The following ELOVL4 variants were observed in gnomAD, a reference collection of about 807,000 sequenced individuals.
The protein encoded by ELOVL4 is ELOVL fatty acid elongase 4, also known as very long chain fatty acid elongase 4.
Under a neutral mutation model 42.1 loss-of-function variants are expected in ELOVL4, and 18 were observed. The ratio of observed to expected loss-of-function variants is 0.43; its 90% CI spans 0.30 to 0.63. The LOEUF (loss-of-function observed/expected upper bound fraction) is 0.63, where lower values mean the gene tolerates loss of function less well. ELOVL4 is among the 30% of genes least tolerant of loss of function. ELOVL4 has a pLI of 0.15. For synonymous variants in ELOVL4, 117 were observed against 127.0 expected (o/e 0.92, Z 0.53); for missense variants, 299 against 376.2 (o/e 0.79, Z 1.70).
At chr6:79,920,627 T>C (rs1463681823) in intron 4 of ELOVL4, among the ~76,000 whole-genome samples, 2 of 152,166 alleles carry the variant, frequency 1.3e-5, no homozygotes, top group Non-Finnish European at 2.9e-5. Context: ...CTGAAGGTAA[T>C]TTTATAAAAT....
At chr6:79,943,595 T>C (rs1369414647) in intron 1 of ELOVL4, among the ~76,000 whole-genome samples, 1 of 152,186 alleles carries the variant, frequency 6.6e-6, no homozygotes, top group South Asian at 2.1e-4. Flanking sequence ...CAGCTAGTCC[T>C]GAGTCTGACA....
rs1774162348 is a variant in ELOVL4 at position 79,916,478 on chromosome 6, T to C, written c.*130A>G. 8 of 985,804 alleles carry C rather than the reference T, an allele frequency of 8.1e-6. No homozygotes were observed. Among genetic ancestry groups the C allele is most frequent in the Non-Finnish European group, 1.3e-5 (8 of 629,626 alleles). 61.1% of individuals were successfully genotyped at this position (985,804 alleles called of 1,614,324 possible). The stretch of plus-strand genomic sequence containing the variant: ...TTAACACTTTACTCAGTCTAAGAGT[T>C]ACTAGGACATAGAGCACATTTGTCT... On this transcript the variant is annotated 3_prime_UTR_variant, in exon 6 of 6. Transcript: ENST00000369816.
rs1774344638 is a variant in ELOVL4, at chr6:79,926,400, A to G, written c.101-19T>C. The stretch of plus-strand genomic sequence containing the variant: ...CGCTTATCTATAGAGAGAACAAAAT[A>G]CCATAAAATTCATTAATCAGTAAAT... On this transcript the variant is annotated intron_variant, in intron 1 of 5. Transcript: ENST00000369816. 4 of 1,607,844 alleles carry G rather than the reference A, an allele frequency of 2.5e-6. No individual in the cohort carries two copies. The highest frequency in any genetic ancestry group is 3.4e-6 in the Non-Finnish European group (4 of 1,175,168).
chr6:79,946,999 C>T (rs1035892910), intron 1 of ELOVL4, among the ~76,000 whole-genome samples, 181 bp downstream of exon 1: 8 of 152,174 alleles, frequency 5.3e-5, no homozygotes, highest in Non-Finnish European at 7.3e-5. Flanking sequence ...GAGGCCTTAA[C>T]ATTCGGATCA....
chr6:79,934,371 C>A (rs1300440763), intron 1 of ELOVL4, among the ~76,000 whole-genome samples: 1 of 151,812 alleles, frequency 6.6e-6, no homozygotes, highest in Non-Finnish European at 1.5e-5. Context: ...GCTGGAAAAC[C>A]AACTGTTCTT....
At chr6:79,935,722 T>C (rs1253454786) in intron 1 of ELOVL4, among the ~76,000 whole-genome samples, 1 of 152,216 alleles carries the variant, frequency 6.6e-6, no homozygotes, top group Non-Finnish European at 1.5e-5. Context: ...AAAATTCCTG[T>C]TAGGATAAAA....
intron 1 of ELOVL4, among the ~76,000 whole-genome samples, chr6:79,940,051 T>C (rs1774620894): frequency 6.6e-6 from 1 of 152,240 alleles, no homozygotes; most frequent in Non-Finnish European, 1.5e-5. Context: ...TGAATAATGC[T>C]GCTATGTACG....
chr6:79,925,482 G>A (rs1288893223), intron 2 of ELOVL4, among the ~76,000 whole-genome samples: 2 of 152,164 alleles, frequency 1.3e-5, no homozygotes, highest in Admixed American at 6.5e-5. Context: ...TCTAAGAAGA[G>A]TTATTGTTTA....
chr6:79,937,651 C>G (rs1317189576), intron 1 of ELOVL4, among the ~76,000 whole-genome samples: 1 of 152,128 alleles, frequency 6.6e-6, no homozygotes, highest in African/African-American at 2.4e-5. Context: ...ACTATTATTA[C>G]TGGGCAATAA....
Position 79,933,045 on chromosome 6 carries a change from T to C in ELOVL4, c.101-6664A>G, listed in dbSNP as rs143252974. Among the ~76,000 whole-genome samples, 702 of 152,086 alleles carry C rather than the reference T, an allele frequency of 4.6e-3. 15 individuals are homozygous for C. The highest frequency in any genetic ancestry group is 0.038 in the Admixed American group (580 of 15,292). ...GAATACCCTGAGAGAACTGAATGTA[T>C]AAGCAGCCCAGAAGCAAGAAATAAA... On this transcript the variant is annotated intron_variant, in intron 1 of 5. Coordinates refer to ENST00000369816, the MANE Select transcript of ELOVL4 (RefSeq NM_022726.4).
At chr6:79,927,149 A>G (rs1016067061) in intron 1 of ELOVL4, among the ~76,000 whole-genome samples, 3 of 152,146 alleles carry the variant, frequency 2.0e-5, no homozygotes, top group Admixed American at 6.6e-5. Flanking sequence ...CCATAAATCA[A>G]TTTTATAATG....
rs181853170 is a variant in ELOVL4 at position 79,916,400 on chromosome 6, T to A, written c.*208A>T. ...TCTGGAGAATATCAAGGCTAATTTTTAAAAAAAATGTTTAAAATAAAAACT... is the reference window on the plus strand; with the variant it reads ...TCTGGAGAATATCAAGGCTAATTTTAAAAAAAAATGTTTAAAATAAAAACT... On this transcript the variant is annotated 3_prime_UTR_variant, in exon 6 of 6. Transcript: ENST00000369816. 805 of 597,368 alleles carry A rather than the reference T, an allele frequency of 1.3e-3. 7 individuals are homozygous for A. The highest frequency in any genetic ancestry group is 0.011 in the African/African-American group (603 of 53,716). 37.0% of individuals were successfully genotyped at this position (597,368 alleles called of 1,614,324 possible).
chr6:79,947,256 C>T lies in ELOVL4; in HGVS notation c.24G>A (p.Pro8=), dbSNP rs1220538115. ...TGGACACTACGTTTAGGACACTACC[C>T]GGCTCCGAGTCCAGGAGCCCCATCG... MGLLDSE[P]GSVLNVVSTA... Residue 8 remains proline (P), a synonymous_variant, in exon 1 of 6, where the codon CCG becomes CCA. Coordinates refer to ENST00000369816, the MANE Select transcript of ELOVL4 (RefSeq NM_022726.4). 3 of 1,612,720 alleles carry T rather than the reference C, an allele frequency of 1.9e-6. No homozygotes were observed. Among genetic ancestry groups the T allele is most frequent in the African/African-American group, 2.7e-5 (2 of 74,870 alleles).
intron 2 of ELOVL4, among the ~76,000 whole-genome samples, chr6:79,925,649 C>A (rs921306774): frequency 6.6e-6 from 1 of 152,014 alleles, no homozygotes; most frequent in Non-Finnish European, 1.5e-5. Context: ...TTTGCTAGTG[C>A]CCAGAAAAGT....
chr6:79,930,577 CA>C (rs1157722448), intron 1 of ELOVL4, among the ~76,000 whole-genome samples: 8 of 151,812 alleles, frequency 5.3e-5, no homozygotes, highest in African/African-American at 1.9e-4. Context: ...TTTCCTTTTC[CA>C]CTAAAAAGGG....
In ELOVL4 at chr6:79,921,589, A is replaced by G. The variant is rs541690548; in HGVS notation, c.541+36T>C. On this transcript the variant is annotated intron_variant, in intron 4 of 5. Transcript: ENST00000369816. ...GCTTTCCACTGAACACATATATGCA[A>G]TTAAACGCAAGCAGTATATTCCTGA... is the stretch of plus-strand genomic sequence containing the variant. The G allele has an allele frequency of 5.5e-5, 89 of 1,607,432 alleles. No homozygotes were observed. The South Asian group carries it at 9.5e-4, about 17-fold the overall frequency.
At chr6:79,941,625 G>A (rs572350106) in intron 1 of ELOVL4, among the ~76,000 whole-genome samples, 1 of 152,268 alleles carries the variant, frequency 6.6e-6, no homozygotes, top group South Asian at 2.1e-4. Context: ...ACTTTGTGGG[G>A]CTGAGGTGGG....
intron 1 of ELOVL4, 46 bp downstream of exon 1, chr6:79,947,134 C>A (rs745435761): frequency 8.7e-6 from 13 of 1,499,734 alleles, no homozygotes; most frequent in East Asian, 7.0e-5. Context: ...GGGCCGGTGA[C>A]CCCCCGCGGG....
In ELOVL4 at chr6:79,943,460, G is replaced by T. The variant is rs77516505; in HGVS notation, c.100+3720C>A. ...TACTCACATCAACTCCTCATTCAAG[G>T]GTAGAGGGAAGTAAACTGTGGTGAA... is the stretch of plus-strand genomic sequence containing the variant. On this transcript the variant is annotated intron_variant, in intron 1 of 5. Transcript: ENST00000369816. 9.1e-3 allele frequency among the ~76,000 whole-genome samples: 1,381 copies of T among 152,174 alleles called. 19 individuals carry two copies. The highest frequency in any genetic ancestry group is 0.032 in the African/African-American group (1,312 of 41,518).
Sources: gnomAD v4.1 joint callset for allele counts (sites outside exome capture counted in the v4.1 genomes callset) on GRCh38, gnomAD v4.1.1 for gene constraint, MANE v1.5 for transcripts, NCBI Gene and HGNC (gene_info 2026-07-23, HGNC 2026-07-21) for gene names.